HS3ST4: variants seen among roughly 807,000 people sequenced by gnomAD.
The protein encoded by HS3ST4 is heparan sulfate glucosamine 3-O-sulfotransferase 4.
In HS3ST4, 17 loss-of-function variants were observed where a neutral mutation model predicts 29.2. That is an observed-to-expected ratio of 0.58 (90% CI 0.40 to 0.87). The LOEUF (loss-of-function observed/expected upper bound fraction) is 0.87. Among genes scored for constraint, HS3ST4 ranks in the 40% least tolerant of loss-of-function variants. HS3ST4 has a pLI of 0.00. For missense variants in HS3ST4, 627 were observed against 634.5 expected (o/e 0.99, Z 0.13); for synonymous variants, 314 against 285.7 (o/e 1.10, Z -1.00).
intron 1 of HS3ST4, among the ~76,000 whole-genome samples, chr16:25,715,523 A>G (rs1302177213): frequency 6.6e-6 from 1 of 152,216 alleles, no homozygotes; most frequent in African/African-American, 2.4e-5. Flanking sequence ...AGTTTCTGTT[A>G]TCAAAATAAT....
intron 1 of HS3ST4, among the ~76,000 whole-genome samples, chr16:25,713,166 G>C (rs1041715387): frequency 3.3e-5 from 5 of 152,032 alleles, no homozygotes; most frequent in African/African-American, 1.2e-4. Context: ...TGTCGTCTAG[G>C]TTTTAAGCCC....
chr16:25,711,763 C>G (rs779382020), intron 1 of HS3ST4, among the ~76,000 whole-genome samples: 1 of 152,108 alleles, frequency 6.6e-6, no homozygotes, highest in Non-Finnish European at 1.5e-5. Context: ...GAAAAGCTTA[C>G]GAAGCCTTTC....
chr16:25,831,396 T>TAC (rs58851793), intron 1 of HS3ST4, among the ~76,000 whole-genome samples: 27,450 of 125,578 alleles, frequency 0.22, 2,988 homozygotes, highest in East Asian at 0.28. Flanking sequence ...ACCCCGTCTC[T>TAC]ACACACACAC....
chr16:25,955,818 T>TTTC (rs1968726688), intron 1 of HS3ST4, among the ~76,000 whole-genome samples: 1 of 5,892 alleles, frequency 1.7e-4, no homozygotes, highest in African/African-American at 4.3e-3. Flanking sequence ...TGATGTATAC[T>TTTC]TTTTTTTTTT....
At chr16:25,827,533 C>A (rs115042774) in intron 1 of HS3ST4, among the ~76,000 whole-genome samples, 1,014 of 135,366 alleles carry the variant, frequency 7.5e-3, no homozygotes, top group South Asian at 8.3e-3. Context: ...GCTGTCTTCA[C>A]AAAAAAAAAA....
intron 1 of HS3ST4, among the ~76,000 whole-genome samples, chr16:25,765,603 C>T (rs12922520): frequency 0.031 from 4,728 of 152,208 alleles, 104 homozygotes; most frequent in Middle Eastern, 0.051. Context: ...GTGACAATCT[C>T]GGAGCCTCTT....
At chr16:26,123,180 A>T (rs1401280481) in intron 1 of HS3ST4, among the ~76,000 whole-genome samples, 1 of 152,110 alleles carries the variant, frequency 6.6e-6, no homozygotes, top group Non-Finnish European at 1.5e-5. Flanking sequence ...CATTACCAAG[A>T]TTTTCTCCGT....
intron 1 of HS3ST4, among the ~76,000 whole-genome samples, chr16:25,754,194 C>T (rs1056751320): frequency 6.6e-6 from 1 of 152,116 alleles, no homozygotes; most frequent in Non-Finnish European, 1.5e-5. Context: ...AGCTTTGTAT[C>T]TTCTAGCTAA....
At chr16:25,955,160 T>G (rs535683314) in intron 1 of HS3ST4, among the ~76,000 whole-genome samples, 2 of 152,198 alleles carry the variant, frequency 1.3e-5, no homozygotes, top group Admixed American at 1.3e-4. Flanking sequence ...TCCTCTTGAG[T>G]TGCTGAACCT....
intron 1 of HS3ST4, among the ~76,000 whole-genome samples, chr16:25,932,036 C>T (rs959649790): frequency 2.0e-5 from 3 of 152,178 alleles, no homozygotes; most frequent in South Asian, 2.1e-4. Context: ...TCATCTTGGT[C>T]GGGTGAAGTT....
rs1966332648 is a variant in HS3ST4 at position 25,701,230 on chromosome 16, G to A, written c.734+8079G>A. Among the ~76,000 whole-genome samples the A allele has an allele frequency of 1.3e-5, 2 of 152,162 alleles. 1 individual carries two copies. The highest frequency in any genetic ancestry group is 4.1e-4 in the South Asian group (2 of 4,828). On this transcript the variant is annotated intron_variant, in intron 1 of 1. Coordinates refer to ENST00000331351, the MANE Select transcript of HS3ST4 (RefSeq NM_006040.3). ...ATGTTTATTAATCTTTTTGGAAACAGTTTTTCTTAAGAACTTCTGTAGGAA... is the reference window on the plus strand; with the variant it reads ...ATGTTTATTAATCTTTTTGGAAACAATTTTTCTTAAGAACTTCTGTAGGAA...
chr16:25,919,906 G>A (rs1968330211), intron 1 of HS3ST4, among the ~76,000 whole-genome samples: 1 of 152,164 alleles, frequency 6.6e-6, no homozygotes. Context: ...TATGTAAACA[G>A]TTTTTTAAGA....
At chr16:25,935,097 G>A (rs1369290494) in intron 1 of HS3ST4, among the ~76,000 whole-genome samples, 1 of 152,034 alleles carries the variant, frequency 6.6e-6, no homozygotes. Context: ...TCCTGCCACC[G>A]TGTGAGAAGG....
chr16:25,940,201 ATTTT>A (rs10577362), intron 1 of HS3ST4, among the ~76,000 whole-genome samples: 1 of 146,238 alleles, frequency 6.8e-6, no homozygotes. Context: ...TCCAGATTTG[ATTTT>A]TTTTTTTTTT....
At chr16:25,823,358 A>G (rs74014116) in intron 1 of HS3ST4, among the ~76,000 whole-genome samples, 1,910 of 152,038 alleles carry the variant, frequency 0.013, 45 homozygotes, top group African/African-American at 0.038. Flanking sequence ...TGTTTCTGCA[A>G]CTCCTTTCCT....
intron 1 of HS3ST4, among the ~76,000 whole-genome samples, chr16:25,902,729 C>T (rs1267121522): frequency 4.6e-5 from 7 of 151,788 alleles, no homozygotes; most frequent in East Asian, 1.9e-4. Flanking sequence ...CACAAGAAAG[C>T]GGCAATGTGG....
chr16:25,706,866 G>A (rs1296309321), intron 1 of HS3ST4, among the ~76,000 whole-genome samples: 5 of 152,172 alleles, frequency 3.3e-5, no homozygotes, highest in African/African-American at 1.2e-4. Flanking sequence ...TCTCTTATCC[G>A]CAGTTTCACT....
chr16:26,000,408 G>A (rs1291914262), intron 1 of HS3ST4, among the ~76,000 whole-genome samples: 1 of 152,136 alleles, frequency 6.6e-6, no homozygotes, highest in African/African-American at 2.4e-5. Flanking sequence ...TCAAAGAAAA[G>A]TGATATATCT....
At chr16:25,807,266 G>A (rs924956579) in intron 1 of HS3ST4, among the ~76,000 whole-genome samples, 2 of 152,116 alleles carry the variant, frequency 1.3e-5, no homozygotes, top group Non-Finnish European at 2.9e-5. Context: ...GAGCCACCAC[G>A]CCCGGCCTCT....
Sources: allele counts gnomAD v4.1 joint callset (sites outside exome capture counted in the v4.1 genomes callset), GRCh38; gene constraint gnomAD v4.1.1; transcripts MANE v1.5; gene names NCBI Gene and HGNC (gene_info 2026-07-23, HGNC 2026-07-21).